Variants in LRRC4C observed in about 807,000 individuals in gnomAD.
LRRC4C encodes leucine rich repeat containing 4C.
A neutral mutation model predicts 33.6 loss-of-function variants in LRRC4C; 5 were observed. That is an observed-to-expected ratio of 0.15 (90% confidence interval 0.08 to 0.31). LRRC4C has a LOEUF of 0.31. Among genes scored for constraint, LRRC4C ranks in the 10% least tolerant of loss-of-function variants. The probability of loss-of-function intolerance (pLI) is 1.00; values close to 1 mark genes in which losing one functional copy is unlikely to be tolerated. For synonymous variants in LRRC4C, 329 were observed against 302.0 expected (o/e 1.09, Z -0.93); for missense variants, 560 against 796.7 (o/e 0.70, Z 3.58).
intron 3 of LRRC4C, among the ~76,000 whole-genome samples, chr11:40,334,938 A>T (rs1222336968): frequency 6.6e-6 from 1 of 152,186 alleles, no homozygotes; most frequent in Non-Finnish European, 1.5e-5. Context: ...GATCATTATC[A>T]ATACTCATTG....
intron 1 of LRRC4C, among the ~76,000 whole-genome samples, chr11:41,075,662 C>A (rs1387573701): frequency 6.6e-6 from 1 of 152,128 alleles, no homozygotes; most frequent in African/African-American, 2.4e-5. Context: ...AATTTCACAT[C>A]TCCTAATCAA....
intron 2 of LRRC4C, among the ~76,000 whole-genome samples, chr11:40,851,077 G>A (rs760175104): frequency 4.6e-5 from 7 of 152,112 alleles, no homozygotes; most frequent in Non-Finnish European, 8.8e-5. Context: ...GTGGCGGTAC[G>A]ATCCACTGAA....
chr11:40,149,028 C>T (rs1029648128), intron 5 of LRRC4C, among the ~76,000 whole-genome samples: 3 of 152,130 alleles, frequency 2.0e-5, no homozygotes, highest in South Asian at 2.1e-4. Context: ...CTATTCTGTT[C>T]CATTAATGTG....
intron 3 of LRRC4C, among the ~76,000 whole-genome samples, chr11:40,505,114 G>A (rs1954969190): frequency 6.6e-6 from 1 of 152,044 alleles, no homozygotes; most frequent in Admixed American, 6.6e-5. Flanking sequence ...CTAAATCTGG[G>A]TCCTGGGAGG....
At chr11:41,007,569 T>C (rs570172357) in intron 1 of LRRC4C, among the ~76,000 whole-genome samples, 44 of 152,260 alleles carry the variant, frequency 2.9e-4, no homozygotes, top group African/African-American at 9.4e-4. Flanking sequence ...CAGAGATATA[T>C]GTACAAAGAT....
intron 4 of LRRC4C, among the ~76,000 whole-genome samples, chr11:40,286,675 G>A (rs1037894203): frequency 6.6e-6 from 1 of 152,152 alleles, no homozygotes; most frequent in Non-Finnish European, 1.5e-5. Context: ...CAATTATTGA[G>A]TGCCAGTCAT....
chr11:40,279,068 A>G (rs1050897204), intron 4 of LRRC4C, among the ~76,000 whole-genome samples: 8 of 152,210 alleles, frequency 5.3e-5, no homozygotes, highest in African/African-American at 1.9e-4. Context: ...GCCAAGAGAA[A>G]TATAGGGAAA....
At chr11:41,365,401 G>A (rs1952499392) in intron 1 of LRRC4C, among the ~76,000 whole-genome samples, 1 of 151,856 alleles carries the variant, frequency 6.6e-6, no homozygotes. Flanking sequence ...ATATTACAAT[G>A]TAATAATAAT....
chr11:40,394,072 TGAAA>T (rs1232968567), intron 3 of LRRC4C, among the ~76,000 whole-genome samples: 3 of 151,688 alleles, frequency 2.0e-5, no homozygotes, highest in East Asian at 1.9e-4. Context: ...AGGATAAAAA[TGAAA>T]GAAAGAAAGA....
At chr11:40,705,815 CCCA>C (rs1217193704) in intron 2 of LRRC4C, among the ~76,000 whole-genome samples, 1 of 152,100 alleles carries the variant, frequency 6.6e-6, no homozygotes, top group African/African-American at 2.4e-5. Flanking sequence ...AGTTTACACT[CCCA>C]CCAACAGTGT....
intron 1 of LRRC4C, among the ~76,000 whole-genome samples, chr11:41,010,140 C>T (rs12365506): frequency 0.17 from 25,925 of 152,008 alleles, 2,403 homozygotes; most frequent in African/African-American, 0.23. Flanking sequence ...CCTAATGACA[C>T]GTGATTACAG....
intron 1 of LRRC4C, 120 bp downstream of exon 1, chr11:41,459,311 T>C (rs956644032): frequency 2.0e-5 from 3 of 152,124 alleles, no homozygotes; most frequent in African/African-American, 7.2e-5. Flanking sequence ...TGAGTTCTTC[T>C]GAGCATTCCA....
At chr11:40,749,400 T>TA (rs888009797) in intron 2 of LRRC4C, among the ~76,000 whole-genome samples, 3 of 84,378 alleles carry the variant, frequency 3.6e-5, no homozygotes, top group Non-Finnish European at 5.1e-5. Flanking sequence ...AAGATGGAAA[T>TA]AAAAAAGAAT....
intron 3 of LRRC4C, among the ~76,000 whole-genome samples, chr11:40,435,074 A>G (rs1951090870): frequency 6.6e-6 from 1 of 152,196 alleles, no homozygotes. Flanking sequence ...CAGGAAAGCT[A>G]AACATCTGGG....
chr11:41,252,971 A>G (rs1280987708), intron 1 of LRRC4C, among the ~76,000 whole-genome samples: 2 of 152,166 alleles, frequency 1.3e-5, no homozygotes, highest in Non-Finnish European at 2.9e-5. Context: ...GGGAGCTACA[A>G]TTCAAGATGA....
chr11:40,230,148 A>G (rs1865098121), intron 5 of LRRC4C, among the ~76,000 whole-genome samples: 1 of 152,240 alleles, frequency 6.6e-6, no homozygotes, highest in Non-Finnish European at 1.5e-5. Context: ...AGAGACATTC[A>G]GCAAATGCTC....
chr11:40,519,472 A>G (rs547162527), intron 3 of LRRC4C, among the ~76,000 whole-genome samples: 1 of 152,008 alleles, frequency 6.6e-6, no homozygotes, highest in African/African-American at 2.4e-5. Flanking sequence ...TTACTAACCA[A>G]CCTCTTCTAG....
chr11:40,230,581 C>T (rs777369768), intron 5 of LRRC4C, among the ~76,000 whole-genome samples: 2 of 152,162 alleles, frequency 1.3e-5, no homozygotes, highest in Non-Finnish European at 2.9e-5. Context: ...GGAGAAGAAA[C>T]AATTTTTGTG....
intron 1 of LRRC4C, among the ~76,000 whole-genome samples, chr11:41,430,139 CA>C (rs1439754234): frequency 1.3e-5 from 2 of 152,036 alleles, no homozygotes; most frequent in Admixed American, 6.6e-5. Flanking sequence ...TCTCAATTTT[CA>C]ATAAGAGTTT....
Sources: allele counts gnomAD v4.1 joint callset (sites outside exome capture counted in the v4.1 genomes callset), GRCh38; gene constraint gnomAD v4.1.1; transcripts MANE v1.5; gene names NCBI Gene and HGNC (gene_info 2026-07-23, HGNC 2026-07-21).